The following IMPG1 variants were observed in gnomAD, a reference collection of about 807,000 sequenced individuals.
IMPG1 encodes the protein interphotoreceptor matrix proteoglycan 1.
In IMPG1, 85 loss-of-function variants were observed where a neutral mutation model predicts 92.0. That is an observed-to-expected ratio of 0.92 (90% CI 0.78 to 1.11). IMPG1 has a LOEUF of 1.11. IMPG1 is among the 50% of genes least tolerant of loss of function. The pLI is 0.00. For synonymous variants in IMPG1, 367 were observed against 334.1 expected (o/e 1.10, Z -1.08); for missense variants, 1,022 against 956.0 (o/e 1.07, Z -0.91).
chr6:76,023,426 A>C (rs1288348936), intron 5 of IMPG1, among the ~76,000 whole-genome samples: 1 of 152,238 alleles, frequency 6.6e-6, no homozygotes, highest in Non-Finnish European at 1.5e-5. Flanking sequence ...TTATTTGGCT[A>C]TCCTTCCATT....
intron 15 of IMPG1, among the ~76,000 whole-genome samples, chr6:75,924,486 A>AATATAATT (rs1781489184): frequency 1.1e-5 from 1 of 92,496 alleles, no homozygotes; most frequent in Non-Finnish European, 2.0e-5. Context: ...TATATATTAT[A>AATATAATT]ATATAATATA....
At chr6:76,044,228 G>A (rs990628633) in intron 1 of IMPG1, among the ~76,000 whole-genome samples, 14 of 152,050 alleles carry the variant, frequency 9.2e-5, no homozygotes, top group Admixed American at 9.2e-4. Flanking sequence ...TTTTTGTTTA[G>A]GAATATTAAT....
chr6:75,979,785 T>C (rs527452571), intron 12 of IMPG1, among the ~76,000 whole-genome samples: 1 of 152,354 alleles, frequency 6.6e-6, no homozygotes, highest in African/African-American at 2.4e-5. Flanking sequence ...GCATTGTTTA[T>C]ATTCCTCATA....
At chr6:75,980,798 T>G (rs1340752196) in intron 12 of IMPG1, among the ~76,000 whole-genome samples, 2 of 152,218 alleles carry the variant, frequency 1.3e-5, no homozygotes, top group African/African-American at 2.4e-5. Context: ...GGACTTCAAT[T>G]TGCGATCATG....
At chr6:75,964,988 C>T (rs557265045) in intron 12 of IMPG1, among the ~76,000 whole-genome samples, 1 of 152,270 alleles carries the variant, frequency 6.6e-6, no homozygotes, top group South Asian at 2.1e-4. Flanking sequence ...TTTTCTTACT[C>T]AGTATAACTC....
intron 7 of IMPG1, among the ~76,000 whole-genome samples, chr6:76,016,881 C>T (rs994701113): frequency 6.6e-6 from 1 of 152,058 alleles, no homozygotes; most frequent in African/African-American, 2.4e-5. Context: ...AAGCTCATAG[C>T]CTGGTGGTGA....
At chr6:76,025,036 A>C (rs1374952583) in intron 5 of IMPG1, 158 bp downstream of exon 5, 7 of 648,026 alleles carry the variant, frequency 1.1e-5, no homozygotes, top group Non-Finnish European at 1.7e-5. Context: ...AGTTGTATGC[A>C]ATAAATTTAA....
chr6:75,941,095 T>C (rs1182246100), intron 14 of IMPG1, among the ~76,000 whole-genome samples: 2 of 148,210 alleles, frequency 1.3e-5, no homozygotes, highest in African/African-American at 4.9e-5. Flanking sequence ...TCATTAGTTA[T>C]TTAGCTCCTT....
chr6:76,070,126 A>G (rs1021902607), intron 1 of IMPG1, among the ~76,000 whole-genome samples: 13 of 152,200 alleles, frequency 8.5e-5, no homozygotes, highest in Admixed American at 7.9e-4. Flanking sequence ...TATGCCCTGT[A>G]TTTAAAATAG....
chr6:75,969,482 C>T (rs1012607707), intron 12 of IMPG1, among the ~76,000 whole-genome samples: 1 of 151,990 alleles, frequency 6.6e-6, no homozygotes, highest in Non-Finnish European at 1.5e-5. Flanking sequence ...TGGCTCATGC[C>T]TGTAATCCTA....
intron 1 of IMPG1, among the ~76,000 whole-genome samples, chr6:76,045,798 T>C (rs539229515): frequency 6.6e-6 from 1 of 152,324 alleles, no homozygotes; most frequent in African/African-American, 2.4e-5. Context: ...GTAATGTTGT[T>C]ACTGAACTGA....
intron 12 of IMPG1, among the ~76,000 whole-genome samples, chr6:75,958,922 T>C (rs1452441989): frequency 6.6e-6 from 1 of 152,198 alleles, no homozygotes; most frequent in Non-Finnish European, 1.5e-5. Flanking sequence ...TTCTTGGTGA[T>C]GACAAGTTGC....
intron 14 of IMPG1, among the ~76,000 whole-genome samples, chr6:75,936,043 A>C (rs903059230): frequency 1.3e-5 from 2 of 152,330 alleles, no homozygotes; most frequent in African/African-American, 4.8e-5. Context: ...AGGTTGTGAG[A>C]TGTTTGTACC....
At chr6:76,059,412 T>TC (rs397941258) in intron 1 of IMPG1, among the ~76,000 whole-genome samples, 1 of 150,046 alleles carries the variant, frequency 6.7e-6, no homozygotes, top group Admixed American at 6.6e-5. Context: ...CTTTTTTTTT[T>TC]AAGTGAAAAA....
chr6:75,921,981 G>A lies in IMPG1; in HGVS notation c.*108C>T, dbSNP rs1381793031. The A allele has an allele frequency of 3.1e-6, 2 of 654,310 alleles. No homozygotes were observed. Among genetic ancestry groups the A allele is most frequent in the Non-Finnish European group, 5.6e-6 (2 of 354,990 alleles). 40.5% of individuals were successfully genotyped at this position (654,310 alleles called of 1,614,324 possible). Reference sequence around the variant, plus strand: ...TGTGTGCTGATTCTCAGTGTTGACTGTATGTCTGGATTTTGATGACCCATG... The same window carrying A: ...TGTGTGCTGATTCTCAGTGTTGACTATATGTCTGGATTTTGATGACCCATG... On this transcript the variant is annotated 3_prime_UTR_variant, in exon 17 of 17. Transcript: ENST00000369950.
At chr6:75,947,917 G>A (rs2149456403) in intron 13 of IMPG1, among the ~76,000 whole-genome samples, 1 of 151,240 alleles carries the variant, frequency 6.6e-6, no homozygotes, top group African/African-American at 2.4e-5. Context: ...GGAGCAGACT[G>A]ACCTGTGTCT....
chr6:75,952,550 T>C (rs528972502), intron 12 of IMPG1, among the ~76,000 whole-genome samples: 3 of 152,250 alleles, frequency 2.0e-5, no homozygotes, highest in South Asian at 4.2e-4. Context: ...ATTCACTCAA[T>C]TGTGAGAAAT....
chr6:76,040,739 G>A (rs1783821273), intron 2 of IMPG1, among the ~76,000 whole-genome samples: 1 of 152,198 alleles, frequency 6.6e-6, no homozygotes, highest in Non-Finnish European at 1.5e-5. Context: ...AGACACATAA[G>A]GAATATAAGA....
At chr6:76,026,604 T>G in intron 4 of IMPG1, among the ~76,000 whole-genome samples, 1 of 152,238 alleles carries the variant, frequency 6.6e-6, no homozygotes, top group East Asian at 1.9e-4. Context: ...AGCCTTCTGC[T>G]TCCCTGGACA....
Sources: allele counts gnomAD v4.1 joint callset (sites outside exome capture counted in the v4.1 genomes callset), GRCh38; gene constraint gnomAD v4.1.1; transcripts MANE v1.5; gene names NCBI Gene and HGNC (gene_info 2026-07-23, HGNC 2026-07-21).